The following TCF7L2 variants were observed in gnomAD, a reference collection of about 807,000 sequenced individuals.
TCF7L2 encodes the protein transcription factor 7-like 2.
A neutral mutation model predicts 77.9 loss-of-function variants in TCF7L2; 23 were observed. That is an observed-to-expected ratio of 0.30 (90% CI 0.21 to 0.42). The LOEUF is 0.42. Among genes scored for constraint, TCF7L2 ranks in the 10% least tolerant of loss-of-function variants. The pLI, the probability that TCF7L2 is intolerant of heterozygous loss-of-function variation, is 1.00. For missense variants in TCF7L2, 654 were observed against 793.1 expected (o/e 0.82, Z 2.11); for synonymous variants, 413 against 340.2 (o/e 1.21, Z -2.36).
intron 4 of TCF7L2, among the ~76,000 whole-genome samples, chr10:113,031,056 T>C (rs1473191900): frequency 6.6e-6 from 1 of 152,186 alleles, no homozygotes; most frequent in Non-Finnish European, 1.5e-5. Flanking sequence ...GCCCGTAAGC[T>C]CAGTAGGGTG....
intron 5 of TCF7L2, among the ~76,000 whole-genome samples, chr10:113,099,771 C>A (rs192385639): frequency 6.6e-6 from 1 of 151,730 alleles, no homozygotes; most frequent in African/African-American, 2.4e-5. Context: ...CAATTCCTGT[C>A]TTTGTAATTA....
intron 4 of TCF7L2, among the ~76,000 whole-genome samples, chr10:113,006,362 G>A (rs940995126): frequency 2.0e-5 from 3 of 152,204 alleles, no homozygotes; most frequent in South Asian, 2.1e-4. Flanking sequence ...CTCACTCAGT[G>A]TGATGTTCTA....
chr10:112,952,917 C>T (rs998843285), intron 3 of TCF7L2, among the ~76,000 whole-genome samples: 2 of 151,370 alleles, frequency 1.3e-5, no homozygotes, highest in African/African-American at 2.4e-5. Context: ...AATCCCTGGA[C>T]GCAAGACGCA....
chr10:113,067,913 G>T (rs183710408), intron 5 of TCF7L2, among the ~76,000 whole-genome samples: 1 of 152,196 alleles, frequency 6.6e-6, no homozygotes, highest in Admixed American at 6.5e-5. Context: ...AAGAAGATAA[G>T]TAGACAGGGG....
intron 5 of TCF7L2, among the ~76,000 whole-genome samples, chr10:113,106,333 A>G (rs1021582013): frequency 6.6e-5 from 10 of 152,234 alleles, no homozygotes; most frequent in Non-Finnish European, 1.2e-4. Context: ...AGATCAAGCA[A>G]TCGTGTGTAG....
intron 5 of TCF7L2, among the ~76,000 whole-genome samples, chr10:113,058,429 G>T (rs991389600): frequency 1.3e-5 from 2 of 152,044 alleles, no homozygotes; most frequent in African/African-American, 2.4e-5. Context: ...GTGGGTGAGA[G>T]GGAAAAGAAA....
chr10:112,981,020 T>A (rs2040387780), intron 4 of TCF7L2, among the ~76,000 whole-genome samples: 1 of 152,230 alleles, frequency 6.6e-6, no homozygotes, highest in African/African-American at 2.4e-5. Flanking sequence ...GACACTTTTT[T>A]CTTGAAAGAG....
At chr10:113,164,746 G>A (rs2073804121) in intron 13 of TCF7L2, among the ~76,000 whole-genome samples, 1 of 150,284 alleles carries the variant, frequency 6.7e-6, no homozygotes. Flanking sequence ...ACCTGTTTTT[G>A]GTGGTTTCTT....
At chr10:113,019,384 G>A (rs1207783746) in intron 4 of TCF7L2, among the ~76,000 whole-genome samples, 3 of 152,116 alleles carry the variant, frequency 2.0e-5, no homozygotes, top group African/African-American at 4.8e-5. Flanking sequence ...ACTCACTAAT[G>A]GTTGTGGGGG....
chr10:113,060,593 C>G lies in TCF7L2; in HGVS notation c.552+20467C>G, dbSNP rs146738419. Among the ~76,000 whole-genome samples the G allele has an allele frequency of 5.9e-3, 898 of 152,136 alleles. 12 individuals carry two copies. The highest frequency in any genetic ancestry group is 0.02 in the African/African-American group (835 of 41,504). ...GTTTGCAGGCAGCTAAAGTCAGCTTCGGCTTCTGCTTCCTGTCAGTCAGGA... is the reference window on the plus strand; with the variant it reads ...GTTTGCAGGCAGCTAAAGTCAGCTTGGGCTTCTGCTTCCTGTCAGTCAGGA... On this transcript the variant is annotated intron_variant, in intron 5 of 13. Coordinates refer to ENST00000627217, the MANE Select transcript of TCF7L2 (RefSeq NM_001146274.2).
rs1264809555 is a variant in TCF7L2 at position 113,166,018 on chromosome 10, C to T, written c.*46C>T. The T allele has an allele frequency of 1.4e-6, 2 of 1,410,784 alleles. No homozygotes were observed. The highest frequency in any genetic ancestry group is 1.4e-5 in the African/African-American group (1 of 69,208). 87.4% of individuals were successfully genotyped at this position (1,410,784 alleles called of 1,614,324 possible). The stretch of plus-strand genomic sequence containing the variant: ...CTGCTTTGTTTATGGTTTTGTTTCA[C>T]TTTTCTTAATTTGCCCCCCACCCCC... On this transcript the variant is annotated 3_prime_UTR_variant, in exon 14 of 14. Coordinates refer to ENST00000627217, the MANE Select transcript of TCF7L2 (RefSeq NM_001146274.2).
intron 5 of TCF7L2, among the ~76,000 whole-genome samples, chr10:113,075,380 A>T (rs1013187094): frequency 6.6e-6 from 1 of 151,770 alleles, no homozygotes; most frequent in African/African-American, 2.4e-5. Flanking sequence ...AATCGCTTGA[A>T]CCTGGGAGGT....
At position 113,009,023 on chromosome 10, in the gene TCF7L2, C is replaced by T. The variant is rs539832589; in HGVS notation, c.451-31002C>T. On this transcript the variant is annotated intron_variant, in intron 4 of 13. Transcript: ENST00000627217. ...GTGGCGCAATCCACTGTAACCATTG[C>T]GTTCTGGGTTCAAGCGATCCTCCCA... Among the ~76,000 whole-genome samples, 93 of 152,296 alleles carry T rather than the reference C, an allele frequency of 6.1e-4. 1 individual carries two copies. The South Asian group carries it at 0.019, about 31-fold the overall frequency.
At chr10:113,022,854 C>T (rs1348428363) in intron 4 of TCF7L2, among the ~76,000 whole-genome samples, 1 of 152,198 alleles carries the variant, frequency 6.6e-6, no homozygotes, top group Non-Finnish European at 1.5e-5. Context: ...AGCTCACCCA[C>T]TTTGAGATGG....
intron 3 of TCF7L2, among the ~76,000 whole-genome samples, chr10:112,952,899 G>A (rs2032301067): frequency 6.9e-6 from 1 of 145,844 alleles, no homozygotes; most frequent in Admixed American, 7.1e-5. Flanking sequence ...TAAGAAGCCT[G>A]GATTACGAAT....
chr10:113,117,273 G>A (rs1268494712), intron 5 of TCF7L2, among the ~76,000 whole-genome samples: 1 of 152,004 alleles, frequency 6.6e-6, no homozygotes, highest in Non-Finnish European at 1.5e-5. Context: ...CACTATGGAA[G>A]CAGTTCTTTG....
intron 5 of TCF7L2, among the ~76,000 whole-genome samples, chr10:113,048,267 AT>A (rs1285659995): frequency 1.3e-5 from 2 of 152,142 alleles, no homozygotes; most frequent in African/African-American, 4.8e-5. Flanking sequence ...ATAAAACAAA[AT>A]TGTTCATTTG....
intron 5 of TCF7L2, among the ~76,000 whole-genome samples, chr10:113,057,901 G>A (rs540505565): frequency 6.6e-6 from 1 of 152,300 alleles, no homozygotes; most frequent in African/African-American, 2.4e-5. Context: ...GAAAGAGCAG[G>A]ACAGTGGGAC....
chr10:113,090,329 A>G (rs975567868), intron 5 of TCF7L2, among the ~76,000 whole-genome samples: 3 of 152,268 alleles, frequency 2.0e-5, no homozygotes, highest in Non-Finnish European at 4.4e-5. Flanking sequence ...TTTATGAACC[A>G]AATAATAAAG....
Sources: allele counts gnomAD v4.1 joint callset (sites outside exome capture counted in the v4.1 genomes callset), GRCh38; gene constraint gnomAD v4.1.1; transcripts MANE v1.5; gene names NCBI Gene and HGNC (gene_info 2026-07-23, HGNC 2026-07-21).